LEF1: variants seen among roughly 807,000 people sequenced by gnomAD.
LEF1 encodes lymphoid enhancer-binding factor 1.
A neutral mutation model predicts 51.2 loss-of-function variants in LEF1; 14 were observed. The ratio of observed to expected loss-of-function variants is 0.27; its 90% CI spans 0.18 to 0.43. The LOEUF is 0.43. LEF1 is among the 20% of genes least tolerant of loss of function. The pLI, the probability that LEF1 is intolerant of heterozygous loss-of-function variation, is 1.00. For missense variants in LEF1, 386 were observed against 512.0 expected (o/e 0.75, Z 2.37); for synonymous variants, 185 against 183.2 (o/e 1.01, Z -0.08).
intron 9 of LEF1, 126 bp downstream of exon 9, chr4:108,070,532 TTACAA>T (rs1344044899): frequency 1.8e-6 from 1 of 544,274 alleles, no homozygotes; most frequent in Non-Finnish European, 3.3e-6. Context: ...GAAATCCTTA[TTACAA>T]AGTTCATTAA....
At chr4:108,071,947 G>T (rs1738501382) in intron 8 of LEF1, 1 of 152,156 alleles carries the variant, frequency 6.6e-6, no homozygotes, top group Non-Finnish European at 1.5e-5. Context: ...GCTCCTCTGT[G>T]CACATAAACT....
intron 3 of LEF1, among the ~76,000 whole-genome samples, chr4:108,150,375 G>T (rs1007941577): frequency 6.6e-6 from 1 of 152,054 alleles, no homozygotes; most frequent in African/African-American, 2.4e-5. Flanking sequence ...TAGAAGTGAG[G>T]AATAGAGATT....
intron 4 of LEF1, among the ~76,000 whole-genome samples, chr4:108,085,740 T>G (rs1739601460): frequency 6.6e-6 from 1 of 152,198 alleles, no homozygotes; most frequent in Non-Finnish European, 1.5e-5. Flanking sequence ...AATGTTCCTC[T>G]CATAGGCAAT....
intron 3 of LEF1, among the ~76,000 whole-genome samples, chr4:108,155,631 T>G (rs1744641727): frequency 6.6e-6 from 1 of 152,244 alleles, no homozygotes; most frequent in Non-Finnish European, 1.5e-5. Context: ...CTTAGACTCC[T>G]GCTCTGCGGC....
In LEF1 at chr4:108,167,484, T is replaced by A; in HGVS notation, c.213+71A>T. On this transcript the variant is annotated intron_variant, in intron 1 of 11. Coordinates refer to ENST00000265165, the MANE Select transcript of LEF1 (RefSeq NM_016269.5). This position sits in a 1 kb window ranked among gnomAD's most constrained non-coding sequence, Gnocchi z 5.7. ...CAGCCGGGCGGCCGGGCGCCTTCGT[T>A]CCCTTCCTCCCTCTCTGAGTTTCCC... 1 of 1,537,402 alleles carries A rather than the reference T, an allele frequency of 6.5e-7. No individual in the cohort carries two copies. Among genetic ancestry groups the A allele is most frequent in the Non-Finnish European group, 8.9e-7 (1 of 1,123,030 alleles).
intron 8 of LEF1, among the ~76,000 whole-genome samples, chr4:108,071,228 A>G (rs76590649): frequency 0.015 from 2,240 of 152,306 alleles, 21 homozygotes; most frequent in Middle Eastern, 0.027. Context: ...TCCTCATATG[A>G]ACACTTTCCC....
intron 3 of LEF1, among the ~76,000 whole-genome samples, chr4:108,132,807 T>C (rs1425542636): frequency 6.6e-6 from 1 of 150,706 alleles, no homozygotes; most frequent in Non-Finnish European, 1.5e-5. Context: ...TAGCTAGAAC[T>C]ATAGGCATGT....
At chr4:108,060,456 G>C (rs947502922) in intron 11 of LEF1, among the ~76,000 whole-genome samples, 1 of 152,112 alleles carries the variant, frequency 6.6e-6, no homozygotes, top group Non-Finnish European at 1.5e-5. Context: ...AGAGGCTTTA[G>C]GTGACCTGCC....
intron 3 of LEF1, among the ~76,000 whole-genome samples, chr4:108,100,619 A>G (rs1178513546): frequency 6.6e-6 from 1 of 152,140 alleles, no homozygotes; most frequent in African/African-American, 2.4e-5. Context: ...ATTACCCTGA[A>G]TTTACAGTAG....
chr4:108,167,001 C>T lies in LEF1; in HGVS notation c.213+554G>A, dbSNP rs548664662. On this transcript the variant is annotated intron_variant, in intron 1 of 11. Transcript: ENST00000265165. This position sits in a 1 kb window ranked among gnomAD's most constrained non-coding sequence, Gnocchi z 5.7. ...CCATCGGCCGGCCTGCTCCCCGCGG[C>T]CCGGCTCACCGGTGGTAGGGACGGC... Among the ~76,000 whole-genome samples, 1 of 152,120 alleles carries T rather than the reference C, an allele frequency of 6.6e-6. No homozygotes were observed. Among genetic ancestry groups the T allele is most frequent in the Admixed American group, 6.5e-5 (1 of 15,276 alleles).
intron 11 of LEF1, among the ~76,000 whole-genome samples, chr4:108,056,519 C>T (rs1394113875): frequency 6.6e-6 from 1 of 152,172 alleles, no homozygotes. Context: ...AACTGCAGTC[C>T]ACGCATAACT....
chr4:108,136,455 C>T (rs1743271590), intron 3 of LEF1, among the ~76,000 whole-genome samples: 1 of 143,166 alleles, frequency 7.0e-6, no homozygotes, highest in African/African-American at 2.6e-5. Flanking sequence ...TTCTCATCTC[C>T]TTAAATTTCC....
chr4:108,063,778 T>C (rs1737859911), intron 10 of LEF1, 115 bp from the exon 11 acceptor site: 4 of 707,222 alleles, frequency 5.7e-6, no homozygotes, highest in Admixed American at 5.8e-5. Context: ...ATGGTTCTTA[T>C]ACCAGCCATT....
chr4:108,146,279 T>C (rs1743996662), intron 3 of LEF1, among the ~76,000 whole-genome samples: 1 of 152,104 alleles, frequency 6.6e-6, no homozygotes, highest in African/African-American at 2.4e-5. Flanking sequence ...TATGAGAGAG[T>C]GAGCAGAGGA....
At chr4:108,123,567 T>G (rs965172157) in intron 3 of LEF1, among the ~76,000 whole-genome samples, 1 of 151,880 alleles carries the variant, frequency 6.6e-6, no homozygotes, top group East Asian at 1.9e-4. Flanking sequence ...TACTGCTTTC[T>G]GAGTACCCTT....
At chr4:108,072,622 T>TA (rs960769552) in intron 8 of LEF1, among the ~76,000 whole-genome samples, 9 of 150,324 alleles carry the variant, frequency 6.0e-5, no homozygotes, top group East Asian at 1.9e-4. Flanking sequence ...TGCTTTTGTT[T>TA]AAAAAAAAAA....
chr4:108,162,988 T>TA (rs538844878), intron 3 of LEF1, among the ~76,000 whole-genome samples: 14 of 147,846 alleles, frequency 9.5e-5, no homozygotes, highest in African/African-American at 2.5e-4. Context: ...ACCACAAGAT[T>TA]AAAAAAAAAA....
chr4:108,069,628 C>T (rs550574604), intron 9 of LEF1, among the ~76,000 whole-genome samples: 236 of 152,258 alleles, frequency 1.5e-3, no homozygotes, highest in African/African-American at 5.4e-3. Flanking sequence ...TAAAATAATA[C>T]AGTCCTTTGG....
intron 1 of LEF1, 63 bp from the exon 2 acceptor site, chr4:108,165,226 G>T (rs2110426839): frequency 1.4e-6 from 2 of 1,471,486 alleles, no homozygotes; most frequent in Non-Finnish European, 1.9e-6. Context: ...TGACAATAAT[G>T]GTACAAATGT....
Sources: gnomAD v4.1 joint callset for allele counts (sites outside exome capture counted in the v4.1 genomes callset) on GRCh38, gnomAD v4.1.1 for gene constraint, Gnocchi (gnomAD v3.1) non-coding constraint, MANE v1.5 for transcripts, NCBI Gene and HGNC (gene_info 2026-07-23, HGNC 2026-07-21) for gene names.